The following ASPH variants were observed in gnomAD, a reference collection of about 807,000 sequenced individuals.
The protein encoded by ASPH is aspartyl/asparaginyl beta-hydroxylase.
Under a neutral mutation model 118.4 loss-of-function variants are expected in ASPH, and 100 were observed. That is an observed-to-expected ratio of 0.84 (90% CI 0.72 to 1.00). ASPH has a LOEUF of 1.00. ASPH is among the 50% of genes least tolerant of loss of function. The pLI is 0.00. For missense variants in ASPH, 920 were observed against 919.5 expected, an observed-to-expected ratio of 1.00 and a Z score of -0.01; for synonymous variants, 315 against 325.6, an observed-to-expected ratio of 0.97 and a Z score of 0.35.
chr8:61,548,112 A>G lies in ASPH; in HGVS notation c.1723T>C (p.Trp575Arg). The change falls in exon 21 of 25, where the codon TGG becomes CGG. Residue 575 changes from tryptophan (W) to arginine (R), a missense_variant. Physicochemically the swap from Trp to Arg is moderately radical, Grantham distance 101. Coordinates refer to ENST00000379454, the MANE Select transcript of ASPH (RefSeq NM_004318.4). ...YNVNGLKAQP[W>R]WTPKETGYTE... ...TAGCCCGTTTCTTTTGGGGTCCACC[A>G]AGGCTGTGCTTTCAGTCCATTCACA... 4.3e-6 allele frequency: 7 copies of G among 1,614,006 alleles called. No homozygotes were observed. The highest frequency in any genetic ancestry group is 5.9e-6 in the Non-Finnish European group (7 of 1,179,902).
chr8:61,692,808 G>C (rs1244266341), intron 1 of ASPH, among the ~76,000 whole-genome samples: 1 of 152,122 alleles, frequency 6.6e-6, no homozygotes, highest in African/African-American at 2.4e-5. Flanking sequence ...CTAAGTCCCA[G>C]ATGATCTGAT....
At chr8:61,635,267 C>A (rs1013728325) in intron 12 of ASPH, among the ~76,000 whole-genome samples, 1 of 152,122 alleles carries the variant, frequency 6.6e-6, no homozygotes, top group African/African-American at 2.4e-5. Flanking sequence ...AATGGCTGTT[C>A]ACCTTCCACC....
intron 1 of ASPH, among the ~76,000 whole-genome samples, chr8:61,699,588 CA>C (rs1006967051): frequency 1.3e-5 from 2 of 151,318 alleles, no homozygotes; most frequent in Non-Finnish European, 2.9e-5. Flanking sequence ...CAGACAGTTG[CA>C]ATGAGAAAAA....
intron 21 of ASPH, among the ~76,000 whole-genome samples, chr8:61,526,731 A>C (rs1031888272): frequency 8.5e-5 from 13 of 152,184 alleles, no homozygotes; most frequent in African/African-American, 3.1e-4. Context: ...CCTGCCAGAA[A>C]GGGAGCTTAT....
chr8:61,535,081 G>A (rs528693956), intron 21 of ASPH, among the ~76,000 whole-genome samples: 2 of 152,230 alleles, frequency 1.3e-5, no homozygotes, highest in South Asian at 4.2e-4. Flanking sequence ...ATTGGACTAC[G>A]GTCCACCCTA....
At chr8:61,657,954 TTA>T (rs1448378879) in intron 3 of ASPH, 1 of 152,214 alleles carries the variant, frequency 6.6e-6, no homozygotes, top group African/African-American at 2.4e-5. Context: ...CTAATCCAGG[TTA>T]CTCCAGCTAT....
intron 14 of ASPH, among the ~76,000 whole-genome samples, chr8:61,592,321 T>C (rs1396922787): frequency 2.0e-5 from 3 of 152,246 alleles, no homozygotes; most frequent in Non-Finnish European, 4.4e-5. Flanking sequence ...TATTAATAAA[T>C]GTTTAAGCAG....
intron 16 of ASPH, among the ~76,000 whole-genome samples, chr8:61,571,753 C>T (rs888181775): frequency 2.0e-5 from 3 of 152,158 alleles, no homozygotes. Context: ...AGGTATAAAA[C>T]ATTTTTGCCA....
rs527303065 is a variant in ASPH, at chr8:61,502,711, A to G, written c.*648T>C. ...GTGAGAAGAGGATCTCAATCAAGAT[A>G]AAAAAAACCAAACGATTTGAGAGTT... On this transcript the variant is annotated 3_prime_UTR_variant, in exon 25 of 25. Coordinates refer to ENST00000379454, the MANE Select transcript of ASPH (RefSeq NM_004318.4). 1 of 151,878 alleles carries G rather than the reference A, an allele frequency of 6.6e-6. No individual in the cohort carries two copies. Among genetic ancestry groups the G allele is most frequent in the Non-Finnish European group, 1.5e-5 (1 of 67,946 alleles). The allele number at this position is 151,878 out of a possible 1,614,324, so 9.4% of individuals were successfully genotyped here. A position where few individuals can be genotyped will look rare whatever the true frequency, so the allele number is the denominator to read the frequency against.
chr8:61,634,241 T>C (rs1339507796), intron 12 of ASPH, among the ~76,000 whole-genome samples: 2 of 152,310 alleles, frequency 1.3e-5, no homozygotes, highest in East Asian at 1.9e-4. Flanking sequence ...AAAGAGATGG[T>C]AGATGTCCCC....
Position 61,547,615 on chromosome 8 carries a change from T to C in ASPH, c.1764+456A>G, listed in dbSNP as rs193257771. The stretch of plus-strand genomic sequence containing the variant: ...TCTATTAATCCAGACTCTAAAAAGA[T>C]TTGTAAAAATACAAAACAATTCCAA... On this transcript the variant is annotated intron_variant, in intron 21 of 24. Coordinates refer to ENST00000379454, the MANE Select transcript of ASPH (RefSeq NM_004318.4). Among the ~76,000 whole-genome samples, 3 of 152,328 alleles carry C rather than the reference T, an allele frequency of 2.0e-5. No individual in the cohort carries two copies. In the East Asian group the frequency reaches 5.8e-4, roughly 29 times the overall value.
In ASPH at chr8:61,590,550, C is replaced by CTGTGTGTGTGTGTG. The variant is rs5891814; in HGVS notation, c.977-6535_977-6522dup. On this transcript the variant is annotated intron_variant, in intron 14 of 24. Transcript: ENST00000379454. Reference sequence around the variant, plus strand: ...ATTAAATACGGACCTTAATTTAACTCTGTGTGTGTGTGTGTGTGTGTGTGT... The same window carrying CTGTGTGTGTGTGTG: ...ATTAAATACGGACCTTAATTTAACTCTGTGTGTGTGTGTGTGTGTGTGTGTGTGTGTGTGTGTGT... 1.8e-3 allele frequency among the ~76,000 whole-genome samples: 268 copies of CTGTGTGTGTGTGTG among 146,796 alleles called. 2 individuals are homozygous for CTGTGTGTGTGTGTG. The highest frequency in any genetic ancestry group is 6.6e-3 in the African/African-American group (260 of 39,512).
chr8:61,657,546 CTA>C (rs1389467596), intron 3 of ASPH: 1 of 152,198 alleles, frequency 6.6e-6, no homozygotes, highest in East Asian at 1.9e-4. Flanking sequence ...AAATATGACA[CTA>C]TGATCTTATG....
intron 1 of ASPH, among the ~76,000 whole-genome samples, chr8:61,711,838 T>C (rs1838129948): frequency 1.3e-5 from 2 of 149,708 alleles, no homozygotes; most frequent in African/African-American, 5.1e-5. Context: ...ATACTTCTTC[T>C]CAAACTAAAA....
rs1245078992 is a variant in ASPH at position 61,633,663 on chromosome 8, C to T, written c.934+20G>A. The T allele has an allele frequency of 1.3e-6, 2 of 1,583,798 alleles. No individual in the cohort carries two copies. Among genetic ancestry groups the T allele is most frequent in the Non-Finnish European group, 1.7e-6 (2 of 1,164,362 alleles). ...TTAAGGATAACAAAAGAGGAAAATA[C>T]AACATACAAAATGTCATACCTGGTG... is the stretch of plus-strand genomic sequence containing the variant. On this transcript the variant is annotated intron_variant, in intron 13 of 24. Transcript: ENST00000379454.
chr8:61,630,150 T>C (rs1420270794), intron 13 of ASPH, among the ~76,000 whole-genome samples: 1 of 152,168 alleles, frequency 6.6e-6, no homozygotes, highest in Non-Finnish European at 1.5e-5. Flanking sequence ...ATTATGAACT[T>C]TAATAAGCTA....
rs1833528510 is a variant in ASPH at position 61,694,767 on chromosome 8, TCTC to T, written c.104-10582_104-10580del. Among the ~76,000 whole-genome samples the T allele has an allele frequency of 3.9e-5, 6 of 152,230 alleles. No individual in the cohort carries two copies. The South Asian group carries it at 1.2e-3, about 31-fold the overall frequency. ...ATCATCTACATGACTTACCTTTTTC[TCTC>T]CTTTGAGCTCCACAACCATGTGTCT... is the stretch of plus-strand genomic sequence containing the variant. On this transcript the variant is annotated intron_variant, in intron 1 of 24. Transcript: ENST00000379454.
At chr8:61,622,844 C>T (rs1851466987) in intron 13 of ASPH, among the ~76,000 whole-genome samples, 1 of 152,202 alleles carries the variant, frequency 6.6e-6, no homozygotes, top group South Asian at 2.1e-4. Context: ...GACATGTGCA[C>T]ACAGTACTCC....
At chr8:61,712,557 T>C (rs1838301261) in intron 1 of ASPH, among the ~76,000 whole-genome samples, 1 of 152,256 alleles carries the variant, frequency 6.6e-6, no homozygotes. Context: ...TCATGACTAT[T>C]AGAGAATCAA....
Sources: gnomAD v4.1 joint callset for allele counts (sites outside exome capture counted in the v4.1 genomes callset) on GRCh38, gnomAD v4.1.1 for gene constraint, MANE v1.5 for transcripts, NCBI Gene and HGNC (gene_info 2026-07-23, HGNC 2026-07-21) for gene names.